The following ZNF507 variants were observed in gnomAD, a reference collection of about 807,000 sequenced individuals.
ZNF507 encodes the protein zinc finger protein 507.
ZNF507 carries 29 observed loss-of-function variants against 80.0 expected under a neutral mutation model. The observed-to-expected ratio is 0.36, with a 90% CI of 0.27 to 0.49. The LOEUF (loss-of-function observed/expected upper bound fraction) is 0.49. ZNF507 is among the 20% of genes least tolerant of loss of function. The pLI, the probability that ZNF507 is intolerant of heterozygous loss-of-function variation, is 0.98. For synonymous variants in ZNF507, 462 were observed against 422.5 expected, an observed-to-expected ratio of 1.09 and a Z score of -1.15; for missense variants, 1,081 against 1,152.2, an observed-to-expected ratio of 0.94 and a Z score of 0.90.
At chr19:32,352,024 C>A (rs762602357) in intron 2 of ZNF507, among the ~76,000 whole-genome samples, 2 of 151,190 alleles carry the variant, frequency 1.3e-5, no homozygotes, top group African/African-American at 2.4e-5. Flanking sequence ...TGAAACACAA[C>A]TGGGATATCA....
chr19:32,360,461 C>A, intron 4 of ZNF507, 43 bp from the exon 5 acceptor site: 1 of 1,048,802 alleles, frequency 9.5e-7, no homozygotes, highest in Non-Finnish European at 1.4e-6. Flanking sequence ...TCATTTGAAT[C>A]TTGTCAAAGC....
intron 5 of ZNF507, among the ~76,000 whole-genome samples, chr19:32,371,637 A>AT (rs201484142): frequency 3.4e-4 from 30 of 88,342 alleles, no homozygotes; most frequent in African/African-American, 7.3e-4. Context: ...TATTATTATT[A>AT]TTATTATTTT....
chr19:32,368,010 C>T (rs1008756569), intron 5 of ZNF507, among the ~76,000 whole-genome samples: 1 of 152,164 alleles, frequency 6.6e-6, no homozygotes, highest in Non-Finnish European at 1.5e-5. Context: ...GACATGGAAA[C>T]AGAGGCTGGG....
intron 4 of ZNF507, 81 bp downstream of exon 4, chr19:32,356,814 T>G: frequency 3.8e-6 from 4 of 1,057,000 alleles, no homozygotes; most frequent in Non-Finnish European, 5.9e-6. Context: ...GTTGGTTATT[T>G]TCAGGGCAAA....
chr19:32,353,390 A>G lies in ZNF507; in HGVS notation c.560A>G (p.Gln187Arg). 6.2e-7 allele frequency: 1 copy of G among 1,614,222 alleles called. No individual in the cohort carries two copies. The highest frequency in any genetic ancestry group is 8.5e-7 in the Non-Finnish European group (1 of 1,180,044). ...DHDNDANIHT[Q>R]SKAQQCVSPS... ...GACAATGATGCCAATATCCACACCCAATCCAAAGCCCAACAGTGCGTAAGC... is the reference window on the plus strand; with the variant it reads ...GACAATGATGCCAATATCCACACCCGATCCAAAGCCCAACAGTGCGTAAGC... The change falls in exon 3 of 7, where the codon CAA (glutamine) becomes CGA (arginine). Residue 187 changes from glutamine to arginine, a missense_variant. By Grantham distance (43) the Gln-to-Arg change is conservative. Coordinates refer to ENST00000355898, the MANE Select transcript of ZNF507 (RefSeq NM_001136156.2).
intron 2 of ZNF507, among the ~76,000 whole-genome samples, chr19:32,350,569 T>C (rs754498008): frequency 2.6e-5 from 4 of 152,206 alleles, no homozygotes; most frequent in Non-Finnish European, 4.4e-5. Flanking sequence ...CACTGAAATA[T>C]CCACAGGGAG....
chr19:32,363,250 G>T (rs1204141767), intron 5 of ZNF507, among the ~76,000 whole-genome samples: 1 of 152,154 alleles, frequency 6.6e-6, no homozygotes, highest in East Asian at 1.9e-4. Context: ...CCTACATTTT[G>T]TTAAGAAACA....
intron 4 of ZNF507, chr19:32,357,002 G>A: frequency 3.4e-6 from 1 of 297,252 alleles, no homozygotes; most frequent in Non-Finnish European, 6.3e-6. Flanking sequence ...TGATGTACCA[G>A]CAAGCCAGAA....
intron 5 of ZNF507, among the ~76,000 whole-genome samples, chr19:32,381,764 G>A (rs1967626053): frequency 6.6e-6 from 1 of 152,146 alleles, no homozygotes; most frequent in African/African-American, 2.4e-5. Context: ...AATAATGGGA[G>A]GAATTGGGTG....
chr19:32,368,541 A>C (rs1261390658), intron 5 of ZNF507, among the ~76,000 whole-genome samples: 1 of 152,210 alleles, frequency 6.6e-6, no homozygotes, highest in Non-Finnish European at 1.5e-5. Context: ...TACAGGCTTC[A>C]GTCTTTTTTC....
chr19:32,385,976 A>T lies in ZNF507; in HGVS notation c.*2893A>T, dbSNP rs1262966763. 1.3e-5 allele frequency: 2 copies of T among 152,270 alleles called. No homozygotes were observed. The highest frequency in any genetic ancestry group is 4.8e-5 in the African/African-American group (2 of 41,466). The allele number at this position is 152,270 out of a possible 1,614,324, so 9.4% of individuals were successfully genotyped here. ...TGATAGTGAAAATAGCTTTGAAAAG[A>T]AACTACATATGGCAAAGGTGGGGAG... On this transcript the variant is annotated 3_prime_UTR_variant, in exon 7 of 7. Transcript: ENST00000355898.
intron 5 of ZNF507, among the ~76,000 whole-genome samples, chr19:32,378,597 A>G (rs565239742): frequency 4.1e-4 from 63 of 152,022 alleles, no homozygotes; most frequent in African/African-American, 1.4e-3. Context: ...TAACTTTTCT[A>G]TATATCTGTA....
Position 32,353,404 on chromosome 19 carries a change from C to G in ZNF507, c.574C>G (p.Gln192Glu). The change falls in exon 3 of 7, where the codon CAG (glutamine) becomes GAG (glutamate). Residue 192 changes from glutamine to glutamate, a missense_variant. Physicochemically the swap from Gln to Glu is conservative, Grantham distance 29. Around this residue, in one of 6 missense-constraint regions of ZNF507, gnomAD observed 275 missense variants for 303.9 expected, o/e 0.90. Transcript: ENST00000355898. ...ANIHTQSKAQ[Q>E]CVSPSSSLCR... ...TATCCACACCCAATCCAAAGCCCAA[C>G]AGTGCGTAAGCCCCTCCAGCTCTTT... 1 of 1,614,218 alleles carries G rather than the reference C, an allele frequency of 6.2e-7. No homozygotes were observed. Among genetic ancestry groups the G allele is most frequent in the Non-Finnish European group, 8.5e-7 (1 of 1,180,038 alleles).
chr19:32,353,641 G>A lies in ZNF507; in HGVS notation c.811G>A (p.Ala271Thr). The A allele has an allele frequency of 1.2e-6, 2 of 1,614,188 alleles. No homozygotes were observed. The highest frequency in any genetic ancestry group is 8.5e-7 in the Non-Finnish European group (1 of 1,180,048). The change falls in exon 3 of 7, where the codon GCT becomes ACT. Residue 271 changes from alanine (A) to threonine (T), a missense_variant. By Grantham distance (58) the Ala-to-Thr change is moderately conservative. Transcript: ENST00000355898. ...RMLKTHAWKH[A>T]GEVDCSYPIF... The stretch of plus-strand genomic sequence containing the variant: ...GTTGAAAACACACGCTTGGAAACAT[G>A]CTGGGGAGGTTGATTGCTCCTATCC...
chr19:32,368,435 C>A (rs1267765795), intron 5 of ZNF507, among the ~76,000 whole-genome samples: 1 of 152,106 alleles, frequency 6.6e-6, no homozygotes, highest in African/African-American at 2.4e-5. Flanking sequence ...GTCTGCTAGT[C>A]CCCAAAATGA....
chr19:32,380,600 T>C (rs1271528646), intron 5 of ZNF507: 13 of 1,535,296 alleles, frequency 8.5e-6, no homozygotes, highest in South Asian at 3.6e-5. Flanking sequence ...GTGTCTCTTA[T>C]TGGTGTAGGA....
intron 5 of ZNF507, chr19:32,382,069 C>T (rs562524601): frequency 6.4e-6 from 1 of 156,282 alleles, no homozygotes; most frequent in African/African-American, 2.4e-5. Flanking sequence ...TCATTTCGTT[C>T]CTTTTTGCTT....
At position 32,371,625 on chromosome 19, in the gene ZNF507, TTTATTA is replaced by T. The variant is rs1166377704; in HGVS notation, c.2361-10827_2361-10822del. ...GTGTCTCAACTAGGAGTGTTAATTG[TTTATTA>T]TTATTATTATTATTTTTTTTTTTTT... On this transcript the variant is annotated intron_variant, in intron 5 of 6. Transcript: ENST00000355898. Among the ~76,000 whole-genome samples, 278 of 141,424 alleles carry T rather than the reference TTTATTA, an allele frequency of 2.0e-3. 22 individuals are homozygous for T. Among genetic ancestry groups the T allele is most frequent in the Middle Eastern group, 7.4e-3 (2 of 270 alleles). The allele number at this position is 141,424 out of a possible 152,430, so 92.8% of individuals were successfully genotyped here.
chr19:32,358,875 A>G (rs1183194042), intron 4 of ZNF507: 3 of 152,220 alleles, frequency 2.0e-5, no homozygotes, highest in Admixed American at 6.5e-5. Context: ...TGAGACTTCA[A>G]GAGGCAAAAT....
Sources: allele counts gnomAD v4.1 joint callset (sites outside exome capture counted in the v4.1 genomes callset), GRCh38; gene constraint gnomAD v4.1.1; regional missense constraint gnomAD v4.1.1; transcripts MANE v1.5; gene names NCBI Gene and HGNC (gene_info 2026-07-23, HGNC 2026-07-21).